Variants in KDM4C observed in about 807,000 individuals in gnomAD.
KDM4C encodes the protein lysine-specific demethylase 4C.
Under a neutral mutation model 129.3 loss-of-function variants are expected in KDM4C, and 81 were observed. That is an observed-to-expected ratio of 0.63 (90% CI 0.52 to 0.75). The LOEUF is 0.75. Among genes scored for constraint, KDM4C ranks in the 30% least tolerant of loss-of-function variants. The pLI, the probability that KDM4C is intolerant of heterozygous loss-of-function variation, is 0.00. For missense variants in KDM4C, 1,457 were observed against 1,304.0 expected, an observed-to-expected ratio of 1.12 and a Z score of -1.81; for synonymous variants, 573 against 456.1, an observed-to-expected ratio of 1.26 and a Z score of -3.26.
At position 6,924,458 on chromosome 9, in the gene KDM4C, TG is replaced by T. The variant is rs1253676666; in HGVS notation, c.921+31228del. Among the ~76,000 whole-genome samples, 11 of 152,314 alleles carry T rather than the reference TG, an allele frequency of 7.2e-5. No individual in the cohort carries two copies. The East Asian group carries it at 2.1e-3, about 29-fold the overall frequency. On this transcript the variant is annotated intron_variant, in intron 8 of 21. Transcript: ENST00000381309. Reference sequence around the variant, plus strand: ...AGGGCCCAGGGCTGCAGCGCTCTGTTGGACTTGCCTCACACCATCCTCTGTT... The same window carrying T: ...AGGGCCCAGGGCTGCAGCGCTCTGTTGACTTGCCTCACACCATCCTCTGTT...
chr9:6,835,594 T>C, intron 4 of KDM4C: 1 of 902,084 alleles, frequency 1.1e-6, no homozygotes, highest in Non-Finnish European at 1.9e-6. Context: ...TGTGACTTAG[T>C]TGTGTTACAC....
At chr9:7,054,161 T>C (rs1327416224) in intron 17 of KDM4C, among the ~76,000 whole-genome samples, 2 of 152,186 alleles carry the variant, frequency 1.3e-5, no homozygotes, top group Admixed American at 6.5e-5. Context: ...TGGCACTTTG[T>C]AGGATAATAG....
chr9:6,802,459 C>T (rs1829186920), intron 2 of KDM4C, among the ~76,000 whole-genome samples: 1 of 152,124 alleles, frequency 6.6e-6, no homozygotes, highest in African/African-American at 2.4e-5. Context: ...ACTAGAATAT[C>T]TGTACAAAAA....
At chr9:7,163,403 C>T (rs1339879779) in intron 19 of KDM4C, among the ~76,000 whole-genome samples, 2 of 152,086 alleles carry the variant, frequency 1.3e-5, no homozygotes, top group Admixed American at 1.3e-4. Flanking sequence ...AATACAGTCT[C>T]CTTCAGAATT....
chr9:7,096,633 C>G (rs916769563), intron 17 of KDM4C, among the ~76,000 whole-genome samples: 2 of 152,138 alleles, frequency 1.3e-5, no homozygotes, highest in Non-Finnish European at 2.9e-5. Flanking sequence ...AAGGTACTCC[C>G]CAGACACTTA....
chr9:6,923,861 G>T (rs535349510), intron 8 of KDM4C, among the ~76,000 whole-genome samples: 1 of 152,172 alleles, frequency 6.6e-6, no homozygotes, highest in East Asian at 1.9e-4. Flanking sequence ...TGTGTCTTCA[G>T]CACATTGGAT....
At chr9:6,852,506 A>T (rs1161555224) in intron 5 of KDM4C, among the ~76,000 whole-genome samples, 1 of 152,304 alleles carries the variant, frequency 6.6e-6, no homozygotes, top group South Asian at 2.1e-4. Flanking sequence ...TGACAAAACG[A>T]GAGGATGAAG....
chr9:7,090,780 G>A (rs764045050), intron 17 of KDM4C, among the ~76,000 whole-genome samples: 1 of 152,186 alleles, frequency 6.6e-6, no homozygotes, highest in Non-Finnish European at 1.5e-5. Context: ...TTTGACTCAC[G>A]TTGTAAGAAT....
intron 8 of KDM4C, among the ~76,000 whole-genome samples, chr9:6,974,415 A>G (rs1832581467): frequency 6.6e-6 from 1 of 152,014 alleles, no homozygotes; most frequent in Non-Finnish European, 1.5e-5. Context: ...GCTGGAGTGC[A>G]GTTGTGCGAC....
chr9:6,815,324 C>G (rs1831882803), intron 4 of KDM4C, among the ~76,000 whole-genome samples: 1 of 152,020 alleles, frequency 6.6e-6, no homozygotes, highest in South Asian at 2.1e-4. Context: ...AGTTCTTTGT[C>G]TTTTGAAACC....
chr9:6,879,169 G>C (rs557465475), intron 5 of KDM4C, among the ~76,000 whole-genome samples: 1 of 152,028 alleles, frequency 6.6e-6, no homozygotes, highest in Admixed American at 6.5e-5. Flanking sequence ...ACAGCAAATA[G>C]AGGTCTTCAA....
intron 7 of KDM4C, among the ~76,000 whole-genome samples, chr9:6,888,474 T>G (rs552365791): frequency 1.3e-5 from 2 of 152,328 alleles, no homozygotes; most frequent in East Asian, 3.9e-4. Context: ...TAAACACATT[T>G]AGACATAATA....
At chr9:6,886,601 C>T (rs775438839) in intron 6 of KDM4C, among the ~76,000 whole-genome samples, 1 of 151,038 alleles carries the variant, frequency 6.6e-6, no homozygotes, top group Non-Finnish European at 1.5e-5. Context: ...AAGCAATTCT[C>T]CTGCCTCAGT....
At chr9:7,107,892 A>T (rs574624137) in intron 18 of KDM4C, among the ~76,000 whole-genome samples, 2 of 152,366 alleles carry the variant, frequency 1.3e-5, no homozygotes, top group African/African-American at 4.8e-5. Context: ...TCTATCAACT[A>T]GCACTTGGCT....
chr9:7,157,182 G>A (rs865903614), intron 19 of KDM4C, among the ~76,000 whole-genome samples: 95 of 152,274 alleles, frequency 6.2e-4, no homozygotes, highest in Admixed American at 1.1e-3. Context: ...AGGAATGCTT[G>A]TGATTTTTGC....
intron 19 of KDM4C, among the ~76,000 whole-genome samples, chr9:7,160,188 T>C (rs1843634010): frequency 6.6e-6 from 1 of 152,214 alleles, no homozygotes. Flanking sequence ...TGTCAGGTCA[T>C]TTAAGGTCTT....
intron 1 of KDM4C, among the ~76,000 whole-genome samples, chr9:6,779,485 T>C (rs548198067): frequency 2.6e-4 from 40 of 152,334 alleles, no homozygotes; most frequent in African/African-American, 9.4e-4. Flanking sequence ...TAATTTGGTG[T>C]GTTCGTGAAA....
chr9:6,986,156 G>T (rs1586716833), intron 10 of KDM4C, among the ~76,000 whole-genome samples, 188 bp from the exon 11 acceptor site: 1 of 152,190 alleles, frequency 6.6e-6, no homozygotes, highest in Admixed American at 6.5e-5. Context: ...GAAGAACTGG[G>T]TTGTTCAGTA....
intron 17 of KDM4C, among the ~76,000 whole-genome samples, chr9:7,085,592 G>C (rs1835018548): frequency 6.6e-6 from 1 of 152,140 alleles, no homozygotes; most frequent in African/African-American, 2.4e-5. Context: ...ATTGAAACCT[G>C]TGAGAGGAAG....
Sources: gnomAD v4.1 joint callset for allele counts (sites outside exome capture counted in the v4.1 genomes callset) on GRCh38, gnomAD v4.1.1 for gene constraint, MANE v1.5 for transcripts, NCBI Gene and HGNC (gene_info 2026-07-23, HGNC 2026-07-21) for gene names.